The following ADAMTSL3 variants were observed in gnomAD, a reference collection of about 807,000 sequenced individuals.
ADAMTSL3 encodes ADAMTS-like protein 3.
ADAMTSL3 carries 128 observed loss-of-function variants against 201.7 expected under a neutral mutation model. The observed-to-expected ratio is 0.63, with a 90% CI of 0.55 to 0.73. The LOEUF is 0.73. Ranked by LOEUF, ADAMTSL3 falls within the 30% of genes least tolerant of loss-of-function variation. The probability of loss-of-function intolerance (pLI) is 0.00; values close to 1 mark genes in which losing one functional copy is unlikely to be tolerated. For missense variants in ADAMTSL3, 1,990 were observed against 2,119.6 expected (o/e 0.94, Z 1.20); for synonymous variants, 738 against 748.4 (o/e 0.99, Z 0.23).
intron 3 of ADAMTSL3, among the ~76,000 whole-genome samples, chr15:83,716,470 G>A (rs1421657054): frequency 6.7e-6 from 1 of 148,934 alleles, no homozygotes; most frequent in Non-Finnish European, 1.5e-5. Context: ...AGCCGAGAGC[G>A]TGCCATTGCA....
intron 4 of ADAMTSL3, among the ~76,000 whole-genome samples, chr15:83,799,328 C>T (rs1007575224): frequency 6.6e-6 from 1 of 151,930 alleles, no homozygotes; most frequent in Non-Finnish European, 1.5e-5. Context: ...AGCTATTTTC[C>T]TCATATATTT....
At chr15:84,000,669 G>C (rs2067775857) in intron 23 of ADAMTSL3, among the ~76,000 whole-genome samples, 1 of 152,214 alleles carries the variant, frequency 6.6e-6, no homozygotes, top group Non-Finnish European at 1.5e-5. Context: ...ACTAATTAAG[G>C]CTTCTAACTA....
chr15:83,767,765 A>G (rs12898714), intron 3 of ADAMTSL3, among the ~76,000 whole-genome samples: 25,789 of 152,136 alleles, frequency 0.17, 2,506 homozygotes, highest in Middle Eastern at 0.32. Flanking sequence ...TGATGACGGT[A>G]ATTGGTATTA....
At chr15:83,841,660 G>A (rs370473202) in intron 7 of ADAMTSL3, among the ~76,000 whole-genome samples, 15 of 149,774 alleles carry the variant, frequency 1.0e-4, no homozygotes, top group South Asian at 4.2e-4. Flanking sequence ...TGATACGGGA[G>A]GGGGGGCAGG....
intron 3 of ADAMTSL3, among the ~76,000 whole-genome samples, chr15:83,749,445 G>A (rs983668807): frequency 6.6e-6 from 1 of 152,168 alleles, no homozygotes; most frequent in Non-Finnish European, 1.5e-5. Context: ...TAGGAAGAAT[G>A]GCATAAGCAA....
At chr15:84,031,296 CT>C in intron 27 of ADAMTSL3, 38 bp from the exon 28 acceptor site, 1 of 1,583,508 alleles carries the variant, frequency 6.3e-7, no homozygotes, top group South Asian at 1.1e-5. Flanking sequence ...CATGGATGAG[CT>C]TGCAGGATTT....
chr15:83,803,296 T>C (rs1451444734), intron 4 of ADAMTSL3, among the ~76,000 whole-genome samples: 2 of 152,182 alleles, frequency 1.3e-5, no homozygotes, highest in Admixed American at 6.5e-5. Context: ...AGAAAGCATA[T>C]GCAATGAGTT....
intron 28 of ADAMTSL3, among the ~76,000 whole-genome samples, chr15:84,033,873 A>G (rs1198259119): frequency 6.6e-5 from 10 of 152,218 alleles, no homozygotes; most frequent in African/African-American, 2.4e-4. Context: ...AGAAGGATCT[A>G]TCAAGAGGCT....
intron 19 of ADAMTSL3, among the ~76,000 whole-genome samples, chr15:83,949,706 A>G (rs1008715356): frequency 1.3e-5 from 2 of 152,100 alleles, no homozygotes; most frequent in Non-Finnish European, 2.9e-5. Flanking sequence ...AGCCATTTTA[A>G]CTGGAGTGAG....
In ADAMTSL3 at chr15:83,878,764, CTTGT is replaced by C. The variant is rs565570607; in HGVS notation, c.961-6326_961-6323del. 2.2e-3 allele frequency among the ~76,000 whole-genome samples: 329 copies of C among 146,416 alleles called. 2 individuals are homozygous for C. Among genetic ancestry groups the C allele is most frequent in the Admixed American group, 0.016 (232 of 14,332 alleles). On this transcript the variant is annotated intron_variant, in intron 9 of 29. Transcript: ENST00000286744. ...GTACCTATGTGAAGGAAAGGGTTTG[CTTGT>C]TTGTTTGTTTTCTTGGAATGCCTTT...
intron 15 of ADAMTSL3, among the ~76,000 whole-genome samples, chr15:83,911,773 G>C (rs908234732): frequency 6.6e-6 from 1 of 152,126 alleles, no homozygotes. Context: ...GGATGACTCT[G>C]TGAGAACCTT....
At chr15:83,967,709 G>A (rs1328991511) in intron 19 of ADAMTSL3, among the ~76,000 whole-genome samples, 1 of 152,128 alleles carries the variant, frequency 6.6e-6, no homozygotes, top group African/African-American at 2.4e-5. Flanking sequence ...AACCAAAAAA[G>A]AGCCTGTATA....
chr15:83,690,490 C>T (rs1439882335), intron 2 of ADAMTSL3, among the ~76,000 whole-genome samples: 1 of 152,190 alleles, frequency 6.6e-6, no homozygotes. Flanking sequence ...ATCTGTTCCT[C>T]TGTCCTCTCC....
chr15:83,659,180 T>C (rs1412687951), intron 2 of ADAMTSL3, among the ~76,000 whole-genome samples: 4 of 152,208 alleles, frequency 2.6e-5, no homozygotes, highest in Non-Finnish European at 4.4e-5. Flanking sequence ...TTTGACTGTC[T>C]CCACTGCCAA....
At chr15:84,037,521 C>T (rs1329876289) in intron 29 of ADAMTSL3, among the ~76,000 whole-genome samples, 179 bp from the exon 30 acceptor site, 3 of 152,194 alleles carry the variant, frequency 2.0e-5, no homozygotes, top group African/African-American at 7.2e-5. Context: ...GGTCACTTGG[C>T]TGAGCTGAAA....
chr15:83,762,418 A>G (rs1461726232), intron 3 of ADAMTSL3, among the ~76,000 whole-genome samples: 1 of 152,206 alleles, frequency 6.6e-6, no homozygotes, highest in Non-Finnish European at 1.5e-5. Context: ...GAGACTGGGT[A>G]ATTTGTAAAG....
In ADAMTSL3 at chr15:83,899,672, G is replaced by T. The variant is rs1319622209; in HGVS notation, c.1641G>T (p.Leu547Phe). 1 of 1,612,164 alleles carries T rather than the reference G, an allele frequency of 6.2e-7. No homozygotes were observed. Among genetic ancestry groups the T allele is most frequent in the South Asian group, 1.1e-5 (1 of 90,882 alleles). Reference sequence around the variant, plus strand: ...AAAAAAGTCCAGTGGAAGCAAAATTGCCTTGGCTGAAACAAGCACAAGAAC... The same window carrying T: ...AAAAAAGTCCAGTGGAAGCAAAATTTCCTTGGCTGAAACAAGCACAAGAAC... Reference protein sequence around the residue: ...PKEKSPVEAKLPWLKQAQELE... With the variant: ...PKEKSPVEAKFPWLKQAQELE... The change falls in exon 15 of 30, where the codon TTG becomes TTT. Residue 547 changes from leucine to phenylalanine, a missense_variant. Coordinates refer to ENST00000286744, the MANE Select transcript of ADAMTSL3 (RefSeq NM_207517.3).
intron 3 of ADAMTSL3, among the ~76,000 whole-genome samples, chr15:83,725,575 A>G (rs1189669371): frequency 1.3e-5 from 2 of 152,166 alleles, no homozygotes; most frequent in East Asian, 1.9e-4. Context: ...ATTTTTGTGT[A>G]TGGCAAGAGA....
At chr15:83,971,589 A>G (rs980897778) in intron 20 of ADAMTSL3, among the ~76,000 whole-genome samples, 8 of 150,276 alleles carry the variant, frequency 5.3e-5, no homozygotes, top group Non-Finnish European at 7.4e-5. Context: ...AAAGAAAGAA[A>G]AAAAGAGTTG....
Sources: allele counts gnomAD v4.1 joint callset (sites outside exome capture counted in the v4.1 genomes callset), GRCh38; gene constraint gnomAD v4.1.1; transcripts MANE v1.5; gene names NCBI Gene and HGNC (gene_info 2026-07-23, HGNC 2026-07-21).